SLC27A2: variants seen among roughly 807,000 people sequenced by gnomAD.
The protein encoded by SLC27A2 is long-chain fatty acid transport protein 2.
Under a neutral mutation model 60.0 loss-of-function variants are expected in SLC27A2, and 54 were observed. The ratio of observed to expected loss-of-function variants is 0.90; its 90% CI spans 0.72 to 1.13. SLC27A2 has a LOEUF of 1.13. Among genes scored for constraint, SLC27A2 ranks in the 50% most tolerant of loss-of-function variants. SLC27A2 has a pLI of 0.00. For missense variants in SLC27A2, 739 were observed against 777.6 expected, an observed-to-expected ratio of 0.95 and a Z score of 0.59; for synonymous variants, 297 against 297.6, an observed-to-expected ratio of 1.00 and a Z score of 0.02.
intron 4 of SLC27A2, among the ~76,000 whole-genome samples, chr15:50,207,081 C>T (rs982164689): frequency 1.3e-5 from 2 of 152,106 alleles, no homozygotes; most frequent in African/African-American, 4.8e-5. Context: ...CTTTTCTTCT[C>T]TACCTTAAAG....
intron 1 of SLC27A2, among the ~76,000 whole-genome samples, chr15:50,184,834 C>T (rs1310909709): frequency 6.6e-6 from 1 of 151,994 alleles, no homozygotes; most frequent in African/African-American, 2.4e-5. Flanking sequence ...GAGACTCCAT[C>T]TCAAAAAACA....
At position 50,223,170 on chromosome 15, in the gene SLC27A2, T is replaced by G. The variant is rs2045256064; in HGVS notation, c.1167+11T>G. 6.3e-7 allele frequency: 1 copy of G among 1,597,454 alleles called. No individual in the cohort carries two copies. Among genetic ancestry groups the G allele is most frequent in the Non-Finnish European group, 8.6e-7 (1 of 1,169,388 alleles). ...AACTACCTACAGAAAGTAAGTACAT[T>G]GAAAAATGAGAGCATACGTAGCCAG... On this transcript the variant is annotated intron_variant, in intron 5 of 9. Transcript: ENST00000267842.
rs2045349647 is a variant in SLC27A2 at position 50,236,046 on chromosome 15, A to G, written c.1813A>G (p.Met605Val). ...TGACACAGCAAAAATGTATGTGCCT[A>G]TGACTGAGGACATCTATAATGCCAT... ...LDDTAKMYVP[M>V]TEDIYNAISA... Residue 605 changes from methionine (M) to valine (V), a missense_variant, in exon 10 of 10, where the codon ATG (methionine) becomes GTG (valine). Physicochemically the swap from Met to Val is conservative, Grantham distance 21. Transcript: ENST00000267842. The G allele has an allele frequency of 1.9e-6, 3 of 1,613,920 alleles. No homozygotes were observed. The highest frequency in any genetic ancestry group is 2.5e-6 in the Non-Finnish European group (3 of 1,179,884).
chr15:50,220,275 C>T (rs1004406903), intron 4 of SLC27A2, among the ~76,000 whole-genome samples: 27 of 152,298 alleles, frequency 1.8e-4, no homozygotes, highest in Middle Eastern at 3.4e-3. Context: ...CCTGCCCTGA[C>T]CTGGCCACTA....
chr15:50,195,839 A>G (rs1160317816), intron 1 of SLC27A2, among the ~76,000 whole-genome samples: 1 of 150,564 alleles, frequency 6.6e-6, no homozygotes, highest in Non-Finnish European at 1.5e-5. Context: ...GCGGATCCCG[A>G]GGTCAGGAGA....
At position 50,182,274 on chromosome 15, in the gene SLC27A2, GCT is replaced by G. The variant is rs2044859562; in HGVS notation, c.-151_-150del. 8.3e-7 allele frequency: 1 copy of G among 1,205,868 alleles called. No homozygotes were observed. The highest frequency in any genetic ancestry group is 1.1e-6 in the Non-Finnish European group (1 of 946,280). The allele number at this position is 1,205,868 out of a possible 1,614,324, so 74.7% of individuals were successfully genotyped here. ...CCGCGGCGGTACCTGCAGCGGAGGAGCTCTGTCTTCCCCTTCATCTCACGCGA... is the reference window on the plus strand; with the variant it reads ...CCGCGGCGGTACCTGCAGCGGAGGAGCTGTCTTCCCCTTCATCTCACGCGA... On this transcript the variant is annotated 5_prime_UTR_variant, in exon 1 of 10. Transcript: ENST00000267842.
In SLC27A2 at chr15:50,209,089, C is replaced by G. The variant is rs551665258; in HGVS notation, c.972+3726C>G. On this transcript the variant is annotated intron_variant, in intron 4 of 9. Transcript: ENST00000267842. ...GGGAGGAGGAAGACAGAAAGGGAACCAAAAAAGAGTTCCAGGGGCCACACA... is the reference window on the plus strand; with the variant it reads ...GGGAGGAGGAAGACAGAAAGGGAACGAAAAAAGAGTTCCAGGGGCCACACA... Among the ~76,000 whole-genome samples the G allele has an allele frequency of 2.0e-5, 3 of 151,778 alleles. No homozygotes were observed. The East Asian group carries it at 5.8e-4, about 29-fold the overall frequency.
At chr15:50,183,124 C>T (rs1030245734) in intron 1 of SLC27A2, among the ~76,000 whole-genome samples, 4 of 152,234 alleles carry the variant, frequency 2.6e-5, no homozygotes, top group African/African-American at 7.2e-5. Context: ...AAGCACTCTA[C>T]AGGCAGTGTG....
chr15:50,203,018 A>AAAAG (rs768795165), intron 3 of SLC27A2, among the ~76,000 whole-genome samples: 16 of 145,726 alleles, frequency 1.1e-4, no homozygotes, highest in South Asian at 6.5e-4. Context: ...ATCTCTAAAA[A>AAAAG]AAATATATAT....
At chr15:50,223,867 C>A (rs926854433) in intron 5 of SLC27A2, among the ~76,000 whole-genome samples, 1 of 152,164 alleles carries the variant, frequency 6.6e-6, no homozygotes, top group African/African-American at 2.4e-5. Flanking sequence ...TGCCTCTGGG[C>A]AGCTCATCCT....
chr15:50,227,637 C>A (rs1291310811), intron 7 of SLC27A2, among the ~76,000 whole-genome samples: 1 of 152,090 alleles, frequency 6.6e-6, no homozygotes, highest in African/African-American at 2.4e-5. Context: ...TCCCACAGAA[C>A]CCCCAGGTCA....
Position 50,186,115 on chromosome 15 carries a change from G to A in SLC27A2, c.478+3210G>A, listed in dbSNP as rs187191247. On this transcript the variant is annotated intron_variant, in intron 1 of 9. Coordinates refer to ENST00000267842, the MANE Select transcript of SLC27A2 (RefSeq NM_003645.4). ...AAAAATTAACTGGGCATGATGGTGA[G>A]CACCTGTGGTCCCAGTTACTGGGGA... Among the ~76,000 whole-genome samples, 477 of 152,150 alleles carry A rather than the reference G, an allele frequency of 3.1e-3. 3 individuals carry two copies. The highest frequency in any genetic ancestry group is 0.011 in the African/African-American group (453 of 41,514).
At chr15:50,197,751 G>T (rs749324416) in intron 2 of SLC27A2, 42 bp downstream of exon 2, 3 of 1,431,566 alleles carry the variant, frequency 2.1e-6, no homozygotes, top group Non-Finnish European at 2.9e-6. Flanking sequence ...TTAATCTGAA[G>T]GAGTTAAATG....
At chr15:50,209,329 A>G (rs1432491998) in intron 4 of SLC27A2, among the ~76,000 whole-genome samples, 2 of 152,202 alleles carry the variant, frequency 1.3e-5, no homozygotes, top group African/African-American at 4.8e-5. Context: ...AGAGTGGCCA[A>G]TATGACTGGG....
chr15:50,206,313 C>T (rs546386095), intron 4 of SLC27A2, among the ~76,000 whole-genome samples: 2 of 152,280 alleles, frequency 1.3e-5, no homozygotes, highest in South Asian at 4.2e-4. Flanking sequence ...AACCACTGTA[C>T]TAGACAATGC....
At chr15:50,204,321 G>A (rs11632154) in intron 3 of SLC27A2, among the ~76,000 whole-genome samples, 17,389 of 152,014 alleles carry the variant, frequency 0.11, 1,228 homozygotes, top group Non-Finnish European at 0.16. Context: ...ACAAAAATTA[G>A]CCAGGCATGA....
chr15:50,194,300 G>A (rs1021068238), intron 1 of SLC27A2, among the ~76,000 whole-genome samples: 1 of 152,144 alleles, frequency 6.6e-6, no homozygotes, highest in African/African-American at 2.4e-5. Flanking sequence ...ACTGAGTCTT[G>A]AAGGATAAGC....
intron 8 of SLC27A2, among the ~76,000 whole-genome samples, chr15:50,232,825 T>A (rs970606192): frequency 1.3e-5 from 2 of 152,144 alleles, no homozygotes; most frequent in African/African-American, 2.4e-5. Flanking sequence ...TGAGGGGGCA[T>A]CTTTTTTTCC....
intron 4 of SLC27A2, among the ~76,000 whole-genome samples, chr15:50,211,174 C>T: frequency 6.6e-6 from 1 of 152,190 alleles, no homozygotes; most frequent in East Asian, 1.9e-4. Flanking sequence ...GGCAGGAGGC[C>T]AACAGCACAA....
Sources: allele counts gnomAD v4.1 joint callset (sites outside exome capture counted in the v4.1 genomes callset), GRCh38; gene constraint gnomAD v4.1.1; transcripts MANE v1.5; gene names NCBI Gene and HGNC (gene_info 2026-07-23, HGNC 2026-07-21).